The following ZHX2 variants were observed in gnomAD, a reference collection of about 807,000 sequenced individuals.
ZHX2 encodes the protein zinc fingers and homeoboxes 2.
ZHX2 carries 6 observed loss-of-function variants against 21.9 expected under a neutral mutation model. The observed-to-expected ratio is 0.27, with a 90% confidence interval of 0.15 to 0.54. The LOEUF (loss-of-function observed/expected upper bound fraction) is 0.54. Ranked by LOEUF, ZHX2 falls within the 20% of genes least tolerant of loss-of-function variation. The pLI, the probability that ZHX2 is intolerant of heterozygous loss-of-function variation, is 0.95. For missense variants in ZHX2, 908 were observed against 1,090.7 expected (o/e 0.83, Z 2.36); for synonymous variants, 434 against 437.1 (o/e 0.99, Z 0.09).
intron 1 of ZHX2, among the ~76,000 whole-genome samples, chr8:122,814,601 T>C (rs1294698882): frequency 2.0e-5 from 3 of 152,188 alleles, no homozygotes; most frequent in African/African-American, 4.8e-5. Flanking sequence ...AAGGAGTACA[T>C]TTGGGTGGAG....
intron 1 of ZHX2, among the ~76,000 whole-genome samples, chr8:122,862,649 T>G (rs1354278150): frequency 6.6e-6 from 1 of 152,036 alleles, no homozygotes; most frequent in African/African-American, 2.4e-5. Context: ...AAGTTTTCTT[T>G]CCCCCAGCCA....
intron 1 of ZHX2, among the ~76,000 whole-genome samples, chr8:122,839,129 A>C (rs181236050): frequency 6.6e-6 from 1 of 151,866 alleles, no homozygotes; most frequent in Non-Finnish European, 1.5e-5. Flanking sequence ...TACCCTCATT[A>C]CTTTTTTTTT....
At chr8:122,783,992 C>T (rs1817345075) in intron 1 of ZHX2, among the ~76,000 whole-genome samples, 1 of 152,236 alleles carries the variant, frequency 6.6e-6, no homozygotes. Flanking sequence ...AAAGGATGCA[C>T]CTGAAGATTG....
At chr8:122,786,492 T>C (rs1159405603) in intron 1 of ZHX2, among the ~76,000 whole-genome samples, 2 of 152,224 alleles carry the variant, frequency 1.3e-5, no homozygotes, top group African/African-American at 4.8e-5. Context: ...GAGATCACTT[T>C]AGTAGCTGCT....
intron 2 of ZHX2, among the ~76,000 whole-genome samples, chr8:122,869,146 C>T (rs1819371098): frequency 1.3e-5 from 2 of 152,160 alleles, no homozygotes; most frequent in South Asian, 2.1e-4. Context: ...AGAACTTCTC[C>T]ACAGCCTGTG....
rs180954876 is a variant in ZHX2, at chr8:122,893,980, C to T, written c.-220+30441C>T. 2.0e-5 allele frequency among the ~76,000 whole-genome samples: 3 copies of T among 152,312 alleles called. No individual in the cohort carries two copies. In the East Asian group the frequency reaches 5.8e-4, roughly 29 times the overall value. ...TATATTCATAGGCAAAGACTTTTTC[C>T]TGTAGATGTGTCCTATAGCGTTGGC... On this transcript the variant is annotated intron_variant, in intron 2 of 3. Coordinates refer to ENST00000314393, the MANE Select transcript of ZHX2 (RefSeq NM_014943.5).
chr8:122,908,756 G>A (rs1422193156), intron 2 of ZHX2, among the ~76,000 whole-genome samples: 3 of 152,160 alleles, frequency 2.0e-5, no homozygotes, highest in African/African-American at 7.2e-5. Context: ...AACGACTGTG[G>A]CTAGGGTAAG....
chr8:122,914,446 G>C (rs545128968), intron 2 of ZHX2, among the ~76,000 whole-genome samples: 2 of 152,180 alleles, frequency 1.3e-5, no homozygotes, highest in Non-Finnish European at 2.9e-5. Context: ...GGGCCCTTTC[G>C]GTTATTTCTC....
At position 122,804,346 on chromosome 8, in the gene ZHX2, T is replaced by C. The variant is rs139038857; in HGVS notation, c.-283+22400T>C. 2.2e-3 allele frequency among the ~76,000 whole-genome samples: 335 copies of C among 152,304 alleles called. 2 individuals are homozygous for C. Among genetic ancestry groups the C allele is most frequent in the African/African-American group, 7.8e-3 (325 of 41,568 alleles). ...CTGGTTTCCAACTCCTGGCCTCAAA[T>C]GATCCACCCACCTCGGCATCCCAAA... is the stretch of plus-strand genomic sequence containing the variant. On this transcript the variant is annotated intron_variant, in intron 1 of 3. Transcript: ENST00000314393.
chr8:122,875,600 G>T (rs1819554127), intron 2 of ZHX2, among the ~76,000 whole-genome samples: 1 of 87,544 alleles, frequency 1.1e-5, no homozygotes. Flanking sequence ...AGCAGGTGCG[G>T]TAGTAGTAGA....
intron 3 of ZHX2, among the ~76,000 whole-genome samples, chr8:122,955,664 A>G (rs893818671): frequency 2.0e-5 from 3 of 152,016 alleles, no homozygotes; most frequent in Non-Finnish European, 4.4e-5. Flanking sequence ...CCTGTGTGTC[A>G]AGGGTGTGGG....
intron 1 of ZHX2, among the ~76,000 whole-genome samples, chr8:122,825,578 G>A (rs962395676): frequency 1.1e-4 from 16 of 152,162 alleles, no homozygotes; most frequent in African/African-American, 3.6e-4. Flanking sequence ...TTTAGTCCAT[G>A]TTTTTAGTCT....
intron 3 of ZHX2, among the ~76,000 whole-genome samples, chr8:122,965,889 A>G (rs1813574856): frequency 6.6e-6 from 1 of 152,166 alleles, no homozygotes; most frequent in South Asian, 2.1e-4. Context: ...TACTTCTTTT[A>G]TCATTATATA....
intron 2 of ZHX2, among the ~76,000 whole-genome samples, chr8:122,887,446 A>T (rs1389703311): frequency 1.3e-5 from 2 of 152,074 alleles, no homozygotes; most frequent in Admixed American, 6.6e-5. Context: ...TGAACCTGGG[A>T]GGCAGAGGTT....
intron 3 of ZHX2, among the ~76,000 whole-genome samples, chr8:122,968,892 C>T (rs1813651012): frequency 6.6e-6 from 1 of 151,618 alleles, no homozygotes; most frequent in African/African-American, 2.4e-5. Context: ...GACACAGTGG[C>T]TCACGCATGT....
At chr8:122,789,873 A>G (rs1817477088) in intron 1 of ZHX2, among the ~76,000 whole-genome samples, 3 of 152,196 alleles carry the variant, frequency 2.0e-5, no homozygotes, top group Non-Finnish European at 4.4e-5. Context: ...GATTCTGAGT[A>G]TGTGGTGAAT....
At chr8:122,780,922 C>T (rs574561471), upstream of ZHX2, 1 of 152,210 alleles carries the variant, frequency 6.6e-6, no homozygotes, top group Non-Finnish European at 1.5e-5. Flanking sequence ...CTTTAACCAG[C>T]CTCAGACCTG....
intron 2 of ZHX2, among the ~76,000 whole-genome samples, chr8:122,868,370 G>A (rs765008626): frequency 6.6e-6 from 1 of 152,066 alleles, no homozygotes; most frequent in Admixed American, 6.6e-5. Flanking sequence ...AATCAAGGCC[G>A]GGCACAGAGG....
chr8:122,851,758 G>A (rs372348635), intron 1 of ZHX2, among the ~76,000 whole-genome samples: 1 of 152,170 alleles, frequency 6.6e-6, no homozygotes, highest in African/African-American at 2.4e-5. Flanking sequence ...GGGGCTTGGG[G>A]GCTCAGAAAG....
Sources: allele counts gnomAD v4.1 joint callset (sites outside exome capture counted in the v4.1 genomes callset), GRCh38; gene constraint gnomAD v4.1.1; transcripts MANE v1.5; gene names NCBI Gene and HGNC (gene_info 2026-07-23, HGNC 2026-07-21).